Variants in CPOX observed in about 807,000 individuals in gnomAD.
CPOX encodes the protein coproporphyrinogen oxidase, also known as oxygen-dependent coproporphyrinogen-III oxidase, mitochondrial.
CPOX carries 24 observed loss-of-function variants against 48.9 expected under a neutral mutation model. The observed-to-expected ratio is 0.49, with a 90% CI of 0.36 to 0.69. CPOX has a LOEUF of 0.69. Ranked by LOEUF, CPOX falls within the 30% of genes least tolerant of loss-of-function variation. The probability of loss-of-function intolerance (pLI) is 0.00; values close to 1 mark genes in which losing one functional copy is unlikely to be tolerated. For missense variants in CPOX, 549 were observed against 597.3 expected, an observed-to-expected ratio of 0.92 and a Z score of 0.84; for synonymous variants, 249 against 234.6, an observed-to-expected ratio of 1.06 and a Z score of -0.56.
rs1038190926 is a variant in CPOX at position 98,593,460 on chromosome 3, G to A, written c.45C>T (p.Leu15=). Residue 15 remains leucine, a synonymous_variant, in exon 1 of 7, where the codon CTC becomes CTT. Transcript: ENST00000647941. The part of the protein sequence containing the change: ...LGRLSSGPCW[L]VARGGCGGPR... ...GCCCTCCGCAGCCGCCCCGCGCCAC[G>A]AGCCAGCAGGGGCCCGAGCTCAGCC... 2.0e-5 allele frequency: 30 copies of A among 1,493,764 alleles called. No individual in the cohort carries two copies. Among genetic ancestry groups the A allele is most frequent in the South Asian group, 1.5e-4 (12 of 79,802 alleles). 92.5% of individuals were successfully genotyped at this position (1,493,764 alleles called of 1,614,324 possible).
chr3:98,586,975 A>G (rs1707376220), intron 4 of CPOX, among the ~76,000 whole-genome samples: 1 of 152,082 alleles, frequency 6.6e-6, no homozygotes, highest in South Asian at 2.1e-4. Flanking sequence ...ACAAACAAAC[A>G]AAAAAGAAGC....
intron 4 of CPOX, 73 bp downstream of exon 4, chr3:98,588,640 G>C: frequency 6.7e-7 from 1 of 1,497,374 alleles, no homozygotes; most frequent in Non-Finnish European, 9.3e-7. Context: ...AGGGTATTTA[G>C]TGACATAATA....
In CPOX at chr3:98,593,578, G is replaced by C; in HGVS notation, c.-74C>G. On this transcript the variant is annotated 5_prime_UTR_variant, in exon 1 of 7. Coordinates refer to ENST00000647941, the MANE Select transcript of CPOX (RefSeq NM_000097.7). ...TTTGAGCCCCCCACCCAGACCCCCG[G>C]AGTATTGAGCCGGCGAGCTGCACAG... 1 of 1,429,716 alleles carries C rather than the reference G, an allele frequency of 7.0e-7. No individual in the cohort carries two copies. The highest frequency in any genetic ancestry group is 9.3e-7 in the Non-Finnish European group (1 of 1,072,202). The allele number at this position is 1,429,716 out of a possible 1,614,324, so 88.6% of individuals were successfully genotyped here.
At chr3:98,588,113 T>G (rs1380950767) in intron 4 of CPOX, among the ~76,000 whole-genome samples, 1 of 152,218 alleles carries the variant, frequency 6.6e-6, no homozygotes, top group Non-Finnish European at 1.5e-5. Context: ...TTGTCCTTCC[T>G]TTTTCAAGAA....
In CPOX at chr3:98,579,495, T is replaced by C. The variant is rs1707210757; in HGVS notation, c.*1188A>G. ...TATTAGCAGATCTCTTGTAAGACAG[T>C]TGAAGAATTCATACATTTTCCAGCC... On this transcript the variant is annotated 3_prime_UTR_variant, in exon 7 of 7. Coordinates refer to ENST00000647941, the MANE Select transcript of CPOX (RefSeq NM_000097.7). 5.3e-6 allele frequency: 5 copies of C among 936,954 alleles called. No homozygotes were observed. Among genetic ancestry groups the C allele is most frequent in the East Asian group, 2.3e-4 (2 of 8,572 alleles). 58.0% of individuals were successfully genotyped at this position (936,954 alleles called of 1,614,324 possible). A position where few individuals can be genotyped will look rare whatever the true frequency, so the allele number is the denominator to read the frequency against.
chr3:98,572,953 A>C, the CPOX span, among the ~76,000 whole-genome samples: 3,696 of 152,268 alleles, frequency 0.024, 62 homozygotes, highest in Non-Finnish European at 0.038. Flanking sequence ...AATTAAATTA[A>C]TGTATTGTAG....
chr3:98,581,597 G>T (rs1185245794), intron 5 of CPOX, 86 bp from the exon 6 acceptor site: 2 of 1,086,736 alleles, frequency 1.8e-6, no homozygotes, highest in Non-Finnish European at 2.8e-6. Flanking sequence ...AAAGGGGTGG[G>T]TTCTTCCCCC....
the CPOX span, among the ~76,000 whole-genome samples, chr3:98,572,473 T>G: frequency 6.6e-6 from 1 of 152,238 alleles, no homozygotes; most frequent in Non-Finnish European, 1.5e-5. Flanking sequence ...AACAGTATGT[T>G]ATGAAACTTT....
At position 98,588,712 on chromosome 3, in the gene CPOX, C is replaced by T; in HGVS notation, c.953+1G>A. 6.2e-7 allele frequency: 1 copy of T among 1,614,122 alleles called. No individual in the cohort carries two copies. The highest frequency in any genetic ancestry group is 1.7e-5 in the Admixed American group (1 of 60,010). On this transcript the variant is annotated splice_donor_variant, in intron 4 of 6. Transcript: ENST00000647941. LOFTEE classifies it high-confidence loss of function. ...CATGAAAGTTCAGTAACTTTACCTA[C>T]CATTTTTTAAATTTGGGGTAGAGAT...
chr3:98,587,504 C>G (rs1707386336), intron 4 of CPOX, among the ~76,000 whole-genome samples: 1 of 148,630 alleles, frequency 6.7e-6, no homozygotes, highest in Non-Finnish European at 1.5e-5. Context: ...CCGGTGGGGT[C>G]TCTGCAGAGT....
Position 98,593,403 on chromosome 3 carries a change from C to T in CPOX, c.102G>A (p.Gly34=). Residue 34 remains glycine, a synonymous_variant, in exon 1 of 7, where the codon GGG becomes GGA. Transcript: ENST00000647941. ...CGCTGCGCTGGGACCAGGCTCGGAG[C>T]CCTCCGCCGCCGCACTGGGACCAGG... The part of the protein sequence containing the change: ...PRAWSQCGGG[G]LRAWSQRSAA... 7.0e-7 allele frequency: 1 copy of T among 1,425,036 alleles called. No homozygotes were observed. The highest frequency in any genetic ancestry group is 9.1e-7 in the Non-Finnish European group (1 of 1,098,488). 88.3% of individuals were successfully genotyped at this position (1,425,036 alleles called of 1,614,324 possible).
intron 5 of CPOX, among the ~76,000 whole-genome samples, chr3:98,582,153 C>A (rs1448457759): frequency 6.6e-6 from 1 of 151,758 alleles, no homozygotes; most frequent in African/African-American, 2.4e-5. Flanking sequence ...TTTTTAAATA[C>A]CCTTAGCATC....
At chr3:98,576,072 C>CAAAAAAA (rs56988806), downstream of CPOX, among the ~76,000 whole-genome samples, 18 of 71,412 alleles carry the variant, frequency 2.5e-4, no homozygotes, top group East Asian at 1.0e-3. Flanking sequence ...AACTCTGCCT[C>CAAAAAAA]AAAAAAAAAA....
chr3:98,571,886 C>T, the CPOX span, among the ~76,000 whole-genome samples: 2 of 149,934 alleles, frequency 1.3e-5, no homozygotes, highest in South Asian at 2.1e-4. Flanking sequence ...TTTTTATTTG[C>T]TTGTTCATTT....
rs1302250929 is a variant in CPOX at position 98,580,397 on chromosome 3, C to T, written c.*286G>A. ...GATACATATAATACTATTTATATTC[C>T]CTTATCTCAATACTTGGAAACTCAA... On this transcript the variant is annotated 3_prime_UTR_variant, in exon 7 of 7. Coordinates refer to ENST00000647941, the MANE Select transcript of CPOX (RefSeq NM_000097.7). The T allele has an allele frequency of 1.7e-6, 2 of 1,204,582 alleles. No individual in the cohort carries two copies. The highest frequency in any genetic ancestry group is 2.1e-6 in the Non-Finnish European group (2 of 957,590). 74.6% of individuals were successfully genotyped at this position (1,204,582 alleles called of 1,614,324 possible).
chr3:98,575,700 T>C (rs1212947149), downstream of CPOX, among the ~76,000 whole-genome samples: 3 of 124,748 alleles, frequency 2.4e-5, no homozygotes, highest in African/African-American at 9.2e-5. Flanking sequence ...GAGGCTGAGG[T>C]GGGTGGATCA....
chr3:98,590,892 C>T lies in CPOX; in HGVS notation c.700+120G>A, dbSNP rs1415495607. The T allele has an allele frequency of 1.9e-5, 25 of 1,286,836 alleles. 2 individuals carry two copies. Among genetic ancestry groups the T allele is most frequent in the Non-Finnish European group, 1.7e-5 (15 of 898,704 alleles). The allele number at this position is 1,286,836 out of a possible 1,614,324, so 79.7% of individuals were successfully genotyped here. On this transcript the variant is annotated intron_variant, in intron 2 of 6. Coordinates refer to ENST00000647941, the MANE Select transcript of CPOX (RefSeq NM_000097.7). ...ATAATTTTAAAAAAGTATTTGTCAA[C>T]GTGCGGCATATGAACCCGAATGGCT...
intron 4 of CPOX, among the ~76,000 whole-genome samples, chr3:98,586,658 T>C (rs900843521): frequency 2.0e-5 from 3 of 152,198 alleles, no homozygotes; most frequent in Admixed American, 6.5e-5. Flanking sequence ...AGAAGCCATT[T>C]CCTGGGCCGG....
chr3:98,590,883 A>G (rs1358307127), intron 2 of CPOX, 129 bp downstream of exon 2: 2 of 1,268,986 alleles, frequency 1.6e-6, no homozygotes, highest in South Asian at 1.3e-5. Context: ...TTAAAAAAGT[A>G]TTTGTCAACG....
Sources: gnomAD v4.1 joint callset for allele counts (sites outside exome capture counted in the v4.1 genomes callset) on GRCh38, gnomAD v4.1.1 for gene constraint, MANE v1.5 for transcripts, NCBI Gene and HGNC (gene_info 2026-07-23, HGNC 2026-07-21) for gene names.